Variants in BCAT1 observed in about 807,000 individuals in gnomAD.
BCAT1 encodes the protein branched-chain-amino-acid aminotransferase, cytosolic.
A neutral mutation model predicts 52.4 loss-of-function variants in BCAT1; 48 were observed. The observed-to-expected ratio is 0.92, with a 90% CI of 0.73 to 1.16. BCAT1 has a LOEUF of 1.16. Among genes scored for constraint, BCAT1 ranks in the 50% most tolerant of loss-of-function variants. The probability of loss-of-function intolerance (pLI) is 0.00; values close to 1 mark genes in which losing one functional copy is unlikely to be tolerated. For missense variants in BCAT1, 451 were observed against 457.1 expected (o/e 0.99, Z 0.12); for synonymous variants, 167 against 161.3 (o/e 1.04, Z -0.27).
intron 1 of BCAT1, among the ~76,000 whole-genome samples, chr12:24,940,672 T>C (rs936826248): frequency 7.2e-5 from 11 of 152,172 alleles, no homozygotes; most frequent in Non-Finnish European, 1.2e-4. Context: ...CCATGAATAG[T>C]TGATGTGTAT....
At chr12:24,937,662 G>A (rs564676024) in intron 1 of BCAT1, among the ~76,000 whole-genome samples, 10 of 152,082 alleles carry the variant, frequency 6.6e-5, no homozygotes, top group Non-Finnish European at 1.2e-4. Context: ...CAGTGCTGGG[G>A]CTGTGAGTCA....
intron 3 of BCAT1, among the ~76,000 whole-genome samples, chr12:24,885,519 T>C (rs774652753): frequency 3.3e-5 from 5 of 152,216 alleles, no homozygotes; most frequent in Non-Finnish European, 5.9e-5. Flanking sequence ...CTTTATTTTC[T>C]TTTAAAAAAC....
At chr12:24,857,977 T>C (rs1429601853) in intron 5 of BCAT1, among the ~76,000 whole-genome samples, 1 of 152,166 alleles carries the variant, frequency 6.6e-6, no homozygotes, top group Admixed American at 6.5e-5. Flanking sequence ...CTTCTACACC[T>C]TCCAAAACTC....
intron 5 of BCAT1, among the ~76,000 whole-genome samples, chr12:24,858,879 G>C (rs921660095): frequency 6.6e-6 from 1 of 152,184 alleles, no homozygotes; most frequent in African/African-American, 2.4e-5. Flanking sequence ...TAAAGCTAAA[G>C]GTTTGAGTAA....
intron 10 of BCAT1, among the ~76,000 whole-genome samples, chr12:24,827,662 C>T (rs1940461660): frequency 1.3e-5 from 2 of 152,132 alleles, no homozygotes; most frequent in Non-Finnish European, 2.9e-5. Context: ...CATGATGGTG[C>T]ATGCCCATAA....
intron 1 of BCAT1, among the ~76,000 whole-genome samples, chr12:24,943,874 C>T (rs1943892959): frequency 6.6e-6 from 1 of 152,052 alleles, no homozygotes; most frequent in South Asian, 2.1e-4. Flanking sequence ...GTCCCAGCTA[C>T]TCAGGAAGCT....
intron 2 of BCAT1, 105 bp downstream of exon 2, chr12:24,901,709 G>T: frequency 8.4e-7 from 1 of 1,195,064 alleles, no homozygotes. Flanking sequence ...CACAACCTAG[G>T]AACTGGGTAA....
intron 3 of BCAT1, among the ~76,000 whole-genome samples, chr12:24,888,826 G>C (rs116572908): frequency 4.6e-5 from 7 of 152,100 alleles, no homozygotes; most frequent in African/African-American, 1.7e-4. Context: ...TTCTAAAGAA[G>C]AGCAGCCTGT....
At chr12:24,882,151 A>G (rs990672082) in intron 3 of BCAT1, among the ~76,000 whole-genome samples, 2 of 152,246 alleles carry the variant, frequency 1.3e-5, no homozygotes, top group Admixed American at 1.3e-4. Flanking sequence ...AAACTTCCCT[A>G]ACTGATACAG....
intron 7 of BCAT1, among the ~76,000 whole-genome samples, chr12:24,840,367 G>A: frequency 6.6e-6 from 1 of 152,160 alleles, no homozygotes. Flanking sequence ...CAGATGGGAA[G>A]AAGGGTTGAA....
Position 24,811,735 on chromosome 12 carries a change from A to T in BCAT1, c.*6273T>A, listed in dbSNP as rs934341472. ...TTTCTACTCAATTTTTCTTAAAAAG[A>T]ATTTCAAGAATCACTACACAGCTAA... On this transcript the variant is annotated 3_prime_UTR_variant, in exon 11 of 11. Coordinates refer to ENST00000261192, the MANE Select transcript of BCAT1 (RefSeq NM_005504.7). The T allele has an allele frequency of 6.6e-6, 1 of 152,176 alleles. No individual in the cohort carries two copies. The highest frequency in any genetic ancestry group is 2.4e-5 in the African/African-American group (1 of 41,472). The allele number at this position is 152,176 out of a possible 1,614,324, so 9.4% of individuals were successfully genotyped here.
rs114549825 is a variant in BCAT1, at chr12:24,888,066, T to C, written c.279+6209A>G. Among the ~76,000 whole-genome samples, 1,144 of 152,332 alleles carry C rather than the reference T, an allele frequency of 7.5e-3. 9 individuals are homozygous for C. The highest frequency in any genetic ancestry group is 0.027 in the African/African-American group (1,107 of 41,588). Reference sequence around the variant, plus strand: ...GTCAGGTTGACATTCAATCATGTGATGTCCTAAGTCTGTCAGTCTAAGAGA... The same window carrying C: ...GTCAGGTTGACATTCAATCATGTGACGTCCTAAGTCTGTCAGTCTAAGAGA... On this transcript the variant is annotated intron_variant, in intron 3 of 10. Transcript: ENST00000261192.
At chr12:24,943,905 A>G (rs1252644485) in intron 1 of BCAT1, among the ~76,000 whole-genome samples, 2 of 151,972 alleles carry the variant, frequency 1.3e-5, no homozygotes, top group African/African-American at 2.4e-5. Context: ...AATGGCGTGA[A>G]CCCAGGAGGC....
chr12:24,820,911 C>A (rs1471844), intron 10 of BCAT1, among the ~76,000 whole-genome samples: 111,505 of 152,008 alleles, frequency 0.73, 41,003 homozygotes, highest in East Asian at 0.87. Context: ...GCCAATAAAA[C>A]TATAGTCAGT....
chr12:24,820,614 G>A (rs1940075811), intron 10 of BCAT1, among the ~76,000 whole-genome samples: 1 of 152,248 alleles, frequency 6.6e-6, no homozygotes, highest in East Asian at 1.9e-4. Flanking sequence ...CACTTACTTA[G>A]TTTTGTTCAC....
intron 5 of BCAT1, among the ~76,000 whole-genome samples, chr12:24,862,747 C>CA (rs1382277565): frequency 6.6e-6 from 1 of 152,096 alleles, no homozygotes; most frequent in African/African-American, 2.4e-5. Flanking sequence ...TGAGCCCCAT[C>CA]ATTCTTCAGT....
rs373242657 is a variant in BCAT1 at position 24,876,629 on chromosome 12, G to A, written c.510+1901C>T. ...TATCTCAGAATAACTGGAAGGTAGT[G>A]CTTTGAGATCAGTAACAATGTTTCA... On this transcript the variant is annotated intron_variant, in intron 5 of 10. Coordinates refer to ENST00000261192, the MANE Select transcript of BCAT1 (RefSeq NM_005504.7). Among the ~76,000 whole-genome samples the A allele has an allele frequency of 9.2e-5, 14 of 152,298 alleles. No individual in the cohort carries two copies. The East Asian group carries it at 9.6e-4, about 10-fold the overall frequency.
At chr12:24,947,166 T>TA (rs1943943860) in intron 1 of BCAT1, among the ~76,000 whole-genome samples, 6 of 92,486 alleles carry the variant, frequency 6.5e-5, no homozygotes, top group Non-Finnish European at 1.1e-4. Context: ...CCGTCTTCCC[T>TA]CCACACACAC....
At chr12:24,827,444 C>G (rs911316672) in intron 10 of BCAT1, among the ~76,000 whole-genome samples, 1 of 152,106 alleles carries the variant, frequency 6.6e-6, no homozygotes, top group African/African-American at 2.4e-5. Flanking sequence ...ACAGAAAATT[C>G]TCATAGAAAA....
Sources: gnomAD v4.1 joint callset for allele counts (sites outside exome capture counted in the v4.1 genomes callset) on GRCh38, gnomAD v4.1.1 for gene constraint, MANE v1.5 for transcripts, NCBI Gene and HGNC (gene_info 2026-07-23, HGNC 2026-07-21) for gene names.